Variants in IQGAP2 observed in about 807,000 individuals in gnomAD.
IQGAP2 encodes IQ motif containing GTPase activating protein 2.
IQGAP2 carries 173 observed loss-of-function variants against 201.3 expected under a neutral mutation model. The ratio of observed to expected loss-of-function variants is 0.86; its 90% CI spans 0.76 to 0.98. The LOEUF (loss-of-function observed/expected upper bound fraction) is 0.98. Ranked by LOEUF, IQGAP2 falls within the 50% of genes least tolerant of loss-of-function variation. The pLI, the probability that IQGAP2 is intolerant of heterozygous loss-of-function variation, is 0.00. For synonymous variants in IQGAP2, 675 were observed against 673.9 expected (o/e 1.00, Z -0.03); for missense variants, 1,687 against 1,864.8 (o/e 0.90, Z 1.76).
chr5:76,638,943 GA>G (rs1303429275), intron 16 of IQGAP2, among the ~76,000 whole-genome samples: 3 of 152,158 alleles, frequency 2.0e-5, no homozygotes, highest in Admixed American at 1.3e-4. Context: ...AGAGGAATGT[GA>G]AATTGGAATC....
chr5:76,522,345 G>A (rs1163125147), intron 2 of IQGAP2, among the ~76,000 whole-genome samples: 2 of 151,974 alleles, frequency 1.3e-5, no homozygotes, highest in African/African-American at 4.8e-5. Flanking sequence ...ATCATGCCCT[G>A]CTAATTTTTG....
intron 11 of IQGAP2, 75 bp from the exon 12 acceptor site, chr5:76,606,104 T>C: frequency 7.9e-7 from 1 of 1,271,970 alleles, no homozygotes; most frequent in East Asian, 2.4e-5. Flanking sequence ...TTTGACCATG[T>C]GTCATAGTTG....
At chr5:76,623,526 C>A in intron 13 of IQGAP2, 1 of 330,640 alleles carries the variant, frequency 3.0e-6, no homozygotes, top group Non-Finnish European at 5.5e-6. Flanking sequence ...TGAATAGGTG[C>A]TGTAATTCTC....
chr5:76,417,274 CAT>C, intron 1 of IQGAP2, among the ~76,000 whole-genome samples: 1 of 152,068 alleles, frequency 6.6e-6, no homozygotes, highest in African/African-American at 2.4e-5. Context: ...AGCTTTGTGA[CAT>C]ATGTTTTAAA....
Position 76,501,420 on chromosome 5 carries a change from A to G in IQGAP2, c.146+39751A>G, listed in dbSNP as rs1416605700. Among the ~76,000 whole-genome samples, 3 of 152,118 alleles carry G rather than the reference A, an allele frequency of 2.0e-5. No homozygotes were observed. In the East Asian group the frequency reaches 5.8e-4, roughly 29 times the overall value. ...CCGGCTCTATTTTTAATTTTAAAAG[A>G]ATATTAAAAATAATAAACTATAAAG... On this transcript the variant is annotated intron_variant, in intron 2 of 35. Transcript: ENST00000274364.
chr5:76,417,730 G>A (rs577355713), intron 1 of IQGAP2, among the ~76,000 whole-genome samples: 4 of 151,984 alleles, frequency 2.6e-5, no homozygotes, highest in South Asian at 4.2e-4. Context: ...ACAGGTGTAT[G>A]CCACTATGCC....
rs1012955885 is a variant in IQGAP2 at position 76,528,062 on chromosome 5, T to C, written c.147-34334T>C. On this transcript the variant is annotated intron_variant, in intron 2 of 35. Coordinates refer to ENST00000274364, the MANE Select transcript of IQGAP2 (RefSeq NM_006633.5). ...GCCATCTAGACCTCAGGTGAGGTCC[T>C]TTTATCTTAGCGACCTTGTTCTTTG... Among the ~76,000 whole-genome samples, 4 of 152,202 alleles carry C rather than the reference T, an allele frequency of 2.6e-5. No homozygotes were observed. In the South Asian group the frequency reaches 8.3e-4, roughly 32 times the overall value.
At chr5:76,656,866 A>C (rs1417718760) in intron 20 of IQGAP2, among the ~76,000 whole-genome samples, 2 of 150,812 alleles carry the variant, frequency 1.3e-5, no homozygotes, top group African/African-American at 4.9e-5. Flanking sequence ...CAGCATCTTT[A>C]GAAAACTAAG....
chr5:76,610,048 CTT>C (rs1491537081), intron 12 of IQGAP2, among the ~76,000 whole-genome samples: 3 of 56,850 alleles, frequency 5.3e-5, no homozygotes, highest in African/African-American at 2.4e-4. Flanking sequence ...CTTGTTCTCT[CTT>C]TCTCTCTCTC....
intron 1 of IQGAP2, among the ~76,000 whole-genome samples, chr5:76,406,583 C>G (rs550217803): frequency 6.6e-6 from 1 of 152,172 alleles, no homozygotes; most frequent in African/African-American, 2.4e-5. Context: ...GTGTGATTTG[C>G]GAATAACTTG....
At chr5:76,484,423 G>T (rs1221106933) in intron 2 of IQGAP2, among the ~76,000 whole-genome samples, 1 of 152,102 alleles carries the variant, frequency 6.6e-6, no homozygotes, top group East Asian at 1.9e-4. Context: ...CTTCCCACTT[G>T]AGAGTACTGT....
At chr5:76,584,151 C>T (rs544431320) in intron 5 of IQGAP2, among the ~76,000 whole-genome samples, 42 of 152,162 alleles carry the variant, frequency 2.8e-4, no homozygotes, top group Admixed American at 5.9e-4. Flanking sequence ...GGATTACAGA[C>T]GTGAGCCACT....
intron 2 of IQGAP2, among the ~76,000 whole-genome samples, chr5:76,533,190 G>T (rs1001076005): frequency 6.6e-5 from 10 of 151,890 alleles, no homozygotes; most frequent in Non-Finnish European, 1.5e-4. Flanking sequence ...ACTCACTTTG[G>T]TATCTGATAT....
At chr5:76,697,193 T>G (rs1217842855) in intron 32 of IQGAP2, among the ~76,000 whole-genome samples, 1 of 152,248 alleles carries the variant, frequency 6.6e-6, no homozygotes, top group Non-Finnish European at 1.5e-5. Flanking sequence ...ATGTTGAATC[T>G]TTTCACTCAG....
chr5:76,670,373 A>G (rs3776772), intron 23 of IQGAP2, among the ~76,000 whole-genome samples: 112,588 of 151,932 alleles, frequency 0.74, 42,464 homozygotes, highest in Middle Eastern at 0.79. Context: ...AATTAGCCAG[A>G]CATGGTGGCG....
chr5:76,652,596 T>C (rs1264594024), intron 17 of IQGAP2, among the ~76,000 whole-genome samples, 154 bp from the exon 18 acceptor site: 1 of 152,166 alleles, frequency 6.6e-6, no homozygotes, highest in Non-Finnish European at 1.5e-5. Flanking sequence ...TTTAACTGGC[T>C]ACCCCCAGAG....
At chr5:76,521,221 A>T (rs532187665) in intron 2 of IQGAP2, among the ~76,000 whole-genome samples, 1 of 152,166 alleles carries the variant, frequency 6.6e-6, no homozygotes, top group East Asian at 1.9e-4. Flanking sequence ...ATTTGTCCAG[A>T]TCTCCATCTT....
intron 30 of IQGAP2, among the ~76,000 whole-genome samples, chr5:76,688,329 T>TA (rs1745968372): frequency 6.6e-6 from 1 of 152,224 alleles, no homozygotes; most frequent in African/African-American, 2.4e-5. Flanking sequence ...ACAATGTCAC[T>TA]AGTTTTCCAG....
chr5:76,672,344 A>G (rs550986985), intron 24 of IQGAP2, among the ~76,000 whole-genome samples: 7 of 152,298 alleles, frequency 4.6e-5, no homozygotes, highest in African/African-American at 1.7e-4. Flanking sequence ...TTAACAATCC[A>G]GGTTGGATTG....
Sources: gnomAD v4.1 joint callset for allele counts (sites outside exome capture counted in the v4.1 genomes callset) on GRCh38, gnomAD v4.1.1 for gene constraint, MANE v1.5 for transcripts, NCBI Gene and HGNC (gene_info 2026-07-23, HGNC 2026-07-21) for gene names.